The following SHISA9 variants were observed in gnomAD, a reference collection of about 807,000 sequenced individuals.
SHISA9 encodes the protein shisa family member 9.
In SHISA9, 13 loss-of-function variants were observed where a neutral mutation model predicts 38.0. The observed-to-expected ratio is 0.34, with a 90% CI of 0.22 to 0.54. SHISA9 has a LOEUF of 0.54. Among genes scored for constraint, SHISA9 ranks in the 20% least tolerant of loss-of-function variants. The probability of loss-of-function intolerance (pLI) is 0.91; values close to 1 mark genes in which losing one functional copy is unlikely to be tolerated. For synonymous variants in SHISA9, 275 were observed against 242.0 expected, an observed-to-expected ratio of 1.14 and a Z score of -1.27; for missense variants, 538 against 575.8, an observed-to-expected ratio of 0.93 and a Z score of 0.67.
intron 2 of SHISA9, among the ~76,000 whole-genome samples, chr16:13,111,666 A>C (rs2073979719): frequency 6.6e-6 from 1 of 152,172 alleles, no homozygotes; most frequent in Admixed American, 6.5e-5. Flanking sequence ...TGGAGCTTCT[A>C]TTTAACCAGG....
At chr16:13,521,276 A>G in the SHISA9 span, among the ~76,000 whole-genome samples, 1 of 152,178 alleles carries the variant, frequency 6.6e-6, no homozygotes, top group African/African-American at 2.4e-5. Context: ...TGTTGGTAAA[A>G]TCCTGTATCT....
At chr16:13,037,837 C>G (rs1403400990) in intron 2 of SHISA9, among the ~76,000 whole-genome samples, 2 of 152,300 alleles carry the variant, frequency 1.3e-5, no homozygotes, top group Admixed American at 6.5e-5. Flanking sequence ...ATGTAAAGTT[C>G]TTTATAAGCA....
chr16:13,092,736 C>T (rs1343083717), intron 2 of SHISA9, among the ~76,000 whole-genome samples: 2 of 152,210 alleles, frequency 1.3e-5, no homozygotes, highest in African/African-American at 4.8e-5. Context: ...TGTGGCTTCC[C>T]TTGGCTAGGA....
At chr16:13,365,216 A>G in the SHISA9 span, among the ~76,000 whole-genome samples, 47 of 152,270 alleles carry the variant, frequency 3.1e-4, no homozygotes, top group African/African-American at 1.1e-3. Flanking sequence ...AATGTCCCCA[A>G]AGGTCACATT....
the SHISA9 span, among the ~76,000 whole-genome samples, chr16:13,442,749 T>C: frequency 2.6e-5 from 4 of 151,998 alleles, no homozygotes; most frequent in East Asian, 7.7e-4. Context: ...AGCCCCAGAG[T>C]CTGAGACCAA....
chr16:13,070,759 T>A (rs1456362028), intron 2 of SHISA9, among the ~76,000 whole-genome samples: 1 of 152,136 alleles, frequency 6.6e-6, no homozygotes, highest in East Asian at 1.9e-4. Context: ...TTTTACAGAT[T>A]GGGAGAGGGA....
the SHISA9 span, among the ~76,000 whole-genome samples, chr16:13,502,298 T>C: frequency 6.6e-6 from 1 of 152,204 alleles, no homozygotes; most frequent in Non-Finnish European, 1.5e-5. Flanking sequence ...GCTGAGTACA[T>C]ATCATGCAGG....
chr16:13,499,763 G>A, the SHISA9 span, among the ~76,000 whole-genome samples: 14 of 152,166 alleles, frequency 9.2e-5, no homozygotes, highest in African/African-American at 2.9e-4. Context: ...GCAAACCCAC[G>A]AAAGGTTTAT....
chr16:13,534,642 C>G, the SHISA9 span, among the ~76,000 whole-genome samples: 3 of 152,224 alleles, frequency 2.0e-5, no homozygotes, highest in African/African-American at 7.2e-5. Context: ...TTGACCACAT[C>G]TCCCTGTGTG....
intron 2 of SHISA9, among the ~76,000 whole-genome samples, chr16:13,106,618 A>T (rs1483346220): frequency 2.6e-5 from 4 of 152,180 alleles, no homozygotes; most frequent in Admixed American, 2.6e-4. Context: ...CCAAGGAGAG[A>T]AGACCTTCAG....
At chr16:13,061,322 A>T (rs558291419) in intron 2 of SHISA9, among the ~76,000 whole-genome samples, 1 of 152,352 alleles carries the variant, frequency 6.6e-6, no homozygotes, top group South Asian at 2.1e-4. Flanking sequence ...AAATAATAAC[A>T]GGATGATGTT....
intron 2 of SHISA9, among the ~76,000 whole-genome samples, chr16:13,115,991 C>T (rs769343538): frequency 3.9e-5 from 6 of 152,100 alleles, no homozygotes; most frequent in South Asian, 2.1e-4. Flanking sequence ...CCTGCATGAA[C>T]GACTCTGGGA....
At chr16:13,294,159 G>A in the SHISA9 span, among the ~76,000 whole-genome samples, 2 of 152,116 alleles carry the variant, frequency 1.3e-5, no homozygotes, top group Non-Finnish European at 2.9e-5. Context: ...ATGCTAAGGG[G>A]TTTCATTGGC....
intron 2 of SHISA9, among the ~76,000 whole-genome samples, chr16:13,048,404 C>G (rs1354424267): frequency 1.3e-5 from 2 of 152,076 alleles, no homozygotes; most frequent in Admixed American, 6.6e-5. Context: ...TTTGAGCCAC[C>G]AAAAATAGTT....
chr16:13,002,596 G>C (rs2072539493), intron 2 of SHISA9, among the ~76,000 whole-genome samples: 1 of 142,634 alleles, frequency 7.0e-6, no homozygotes, highest in South Asian at 2.3e-4. Flanking sequence ...GCAGTGGTGT[G>C]ATCTCGGATC....
rs1567183987 is a variant in SHISA9 at position 13,019,869 on chromosome 16, TCCCTCCCTCCCTCCC to T, written c.691+103055_691+103069del. Among the ~76,000 whole-genome samples the T allele has an allele frequency of 2.9e-3, 96 of 32,576 alleles. 2 individuals are homozygous for T. Among genetic ancestry groups the T allele is most frequent in the East Asian group, 0.011 (5 of 456 alleles). The allele number at this position is 32,576 out of a possible 152,430, so 21.4% of individuals were successfully genotyped here. On this transcript the variant is annotated intron_variant, in intron 2 of 4. Transcript: ENST00000558583. ...TTCCCTCCCTCCCTCCCTCCCTCCCTCCCTCCCTCCCTCCCTTCTTTCTTTCTTTCTTTCTTTCTT... is the reference window on the plus strand; with the variant it reads ...TTCCCTCCCTCCCTCCCTCCCTCCCTTTCTTTCTTTCTTTCTTTCTTTCTT...
intron 4 of SHISA9, among the ~76,000 whole-genome samples, chr16:13,216,166 G>A (rs980494948): frequency 5.5e-5 from 8 of 146,442 alleles, no homozygotes; most frequent in Non-Finnish European, 1.0e-4. Flanking sequence ...CACCCTGGGC[G>A]GCAGAGCGAG....
chr16:13,167,233 T>G (rs28607043), intron 2 of SHISA9, among the ~76,000 whole-genome samples: 56,551 of 151,680 alleles, frequency 0.37, 11,329 homozygotes, highest in Non-Finnish European at 0.44. Context: ...CCGCCACACC[T>G]GGCTAATTTT....
At chr16:13,042,256 C>A (rs1249059351) in intron 2 of SHISA9, among the ~76,000 whole-genome samples, 2 of 152,168 alleles carry the variant, frequency 1.3e-5, no homozygotes, top group Non-Finnish European at 2.9e-5. Context: ...GATTAGCTTC[C>A]AGAAGGCACT....
Sources: allele counts gnomAD v4.1 joint callset (sites outside exome capture counted in the v4.1 genomes callset), GRCh38; gene constraint gnomAD v4.1.1; transcripts MANE v1.5; gene names NCBI Gene and HGNC (gene_info 2026-07-23, HGNC 2026-07-21).